Variants in RABGEF1 observed in about 807,000 individuals in gnomAD.
RABGEF1 encodes RAB guanine nucleotide exchange factor 1, also known as rab5 GDP/GTP exchange factor.
RABGEF1 carries 26 observed loss-of-function variants against 57.3 expected under a neutral mutation model. The ratio of observed to expected loss-of-function variants is 0.45; its 90% CI spans 0.33 to 0.63. The LOEUF (loss-of-function observed/expected upper bound fraction) is 0.63, where lower values mean the gene tolerates loss of function less well. Among genes scored for constraint, RABGEF1 ranks in the 20% least tolerant of loss-of-function variants. The pLI, the probability that RABGEF1 is intolerant of heterozygous loss-of-function variation, is 0.02. For synonymous variants in RABGEF1, 185 were observed against 210.7 expected, an observed-to-expected ratio of 0.88 and a Z score of 1.06; for missense variants, 464 against 607.6, an observed-to-expected ratio of 0.76 and a Z score of 2.48.
At chr7:66,765,038 T>G (rs1335319489) in intron 1 of RABGEF1, among the ~76,000 whole-genome samples, 1 of 151,928 alleles carries the variant, frequency 6.6e-6, no homozygotes, top group Non-Finnish European at 1.5e-5. Flanking sequence ...TCAACTTAAT[T>G]ATATCTGCAA....
intron 5 of RABGEF1, chr7:66,796,777 G>C: frequency 3.0e-6 from 1 of 334,098 alleles, no homozygotes. Context: ...TTTTATTAGA[G>C]AGGAGATTTC....
intron 2 of RABGEF1, among the ~76,000 whole-genome samples, chr7:66,721,882 G>T (rs1405469785): frequency 6.6e-6 from 1 of 152,174 alleles, no homozygotes; most frequent in Non-Finnish European, 1.5e-5. Flanking sequence ...CAAGTGGGGT[G>T]GCTTATGCCT....
At chr7:66,661,402 C>G in the RABGEF1 span, among the ~76,000 whole-genome samples, 3 of 150,378 alleles carry the variant, frequency 2.0e-5, no homozygotes, top group Admixed American at 1.3e-4. Flanking sequence ...ATTGAATAAC[C>G]AAATGAAATG....
chr7:66,661,298 C>CAATA, the RABGEF1 span, among the ~76,000 whole-genome samples: 1 of 78,044 alleles, frequency 1.3e-5, no homozygotes, highest in African/African-American at 5.5e-5. Flanking sequence ...GACTCCATCT[C>CAATA]AAAAAAAAAA....
intron 1 of RABGEF1, among the ~76,000 whole-genome samples, chr7:66,763,667 G>A (rs1805001682): frequency 6.6e-6 from 1 of 152,130 alleles, no homozygotes; most frequent in Non-Finnish European, 1.5e-5. Context: ...TTAGTGCTCA[G>A]TGACCACTAC....
intron 1 of RABGEF1, among the ~76,000 whole-genome samples, chr7:66,685,515 A>G (rs572703427): frequency 6.6e-6 from 1 of 152,294 alleles, no homozygotes; most frequent in Admixed American, 6.5e-5. Flanking sequence ...AGATTCTTGA[A>G]GTGAATGTAT....
rs1788166665 is a variant in RABGEF1 at position 66,805,176 on chromosome 7, A to G, written c.857A>G (p.Asp286Gly). The G allele has an allele frequency of 6.2e-7, 1 of 1,611,334 alleles. No homozygotes were observed. Among genetic ancestry groups the G allele is most frequent in the Admixed American group, 1.7e-5 (1 of 59,994 alleles). The change falls in exon 8 of 9, where the codon GAC (aspartate) becomes GGC (glycine). Residue 286 changes from aspartate (D) to glycine (G), a missense_variant. Physicochemically the swap from Asp to Gly is moderately conservative, Grantham distance 94. Transcript: ENST00000284957. ...IEMDSKRVPR[D>G]KLACITKCSK... ...ATGGATTCCAAGCGTGTGCCTCGAG[A>G]CAAGCTGGCCTGCATCACCAAGTGC...
At chr7:66,728,809 T>TTCACCTCCA in intron 2 of RABGEF1, among the ~76,000 whole-genome samples, 1 of 46,956 alleles carries the variant, frequency 2.1e-5, no homozygotes, top group Middle Eastern at 8.1e-3. Context: ...CACCTCCACC[T>TTCACCTCCA]TCACCTCCAT....
intron 4 of RABGEF1, among the ~76,000 whole-genome samples, chr7:66,788,596 T>G (rs1811802140): frequency 6.6e-6 from 1 of 152,238 alleles, no homozygotes; most frequent in African/African-American, 2.4e-5. Context: ...ATAGTCATTC[T>G]GATAAGCTCT....
At position 66,756,118 on chromosome 7, in the gene RABGEF1, A is replaced by G; in HGVS notation, c.-18+15326A>G. On this transcript the variant is annotated intron_variant, in intron 1 of 8. Coordinates refer to ENST00000284957, the MANE Select transcript of RABGEF1 (RefSeq NM_014504.3). ...TATATAAGAAGAATATCTATAAATCAAAAGAAAATAGTAATGACATAGAAA... is the reference window on the plus strand; with the variant it reads ...TATATAAGAAGAATATCTATAAATCGAAAGAAAATAGTAATGACATAGAAA... 5 of 1,246,446 alleles carry G rather than the reference A, an allele frequency of 4.0e-6. No individual in the cohort carries two copies. In the South Asian group the frequency reaches 5.0e-5, roughly 12 times the overall value. The allele number at this position is 1,246,446 out of a possible 1,614,324, so 77.2% of individuals were successfully genotyped here. A position where few individuals can be genotyped will look rare whatever the true frequency, so the allele number is the denominator to read the frequency against.
At chr7:66,677,009 T>C in the RABGEF1 span, among the ~76,000 whole-genome samples, 1 of 152,240 alleles carries the variant, frequency 6.6e-6, no homozygotes, top group African/African-American at 2.4e-5. Flanking sequence ...TCCAAAGTCA[T>C]GAAGCTTTAC....
At chr7:66,716,019 G>A (rs144657470) in intron 2 of RABGEF1, among the ~76,000 whole-genome samples, 135 of 152,254 alleles carry the variant, frequency 8.9e-4, no homozygotes, top group African/African-American at 2.9e-3. Flanking sequence ...TTTTCTATCT[G>A]TTCTGTCCAT....
Position 66,735,445 on chromosome 7 carries a change from C to A in RABGEF1, c.-814-4551C>A, listed in dbSNP as rs530529691. 3.4e-4 allele frequency among the ~76,000 whole-genome samples: 52 copies of A among 152,304 alleles called. 2 individuals carry two copies. The South Asian group carries it at 0.01, about 30-fold the overall frequency. ...CCTTTGCCTCTTAATAAATGTGTGA[C>A]CTTGGGTGAGTTACCTCACAGTTCC... On this transcript the variant is annotated intron_variant and NMD_transcript_variant, in intron 2 of 9. Coordinates refer to the RABGEF1 transcript ENST00000607882.
At chr7:66,797,307 A>C (rs1786205682) in intron 5 of RABGEF1, 67 bp from the exon 6 acceptor site, 1 of 818,528 alleles carries the variant, frequency 1.2e-6, no homozygotes, top group South Asian at 2.5e-5. Context: ...CTTTGTTTGC[A>C]AAAAAAAAAA....
rs116291893 is a variant in RABGEF1 at position 66,802,606 on chromosome 7, C to G, written c.821-2534C>G. ...CTCCTCACATGTCTCCTAGTTGAGACTTTGAAGCAGTGCAAATCATGGAAT... is the reference window on the plus strand; with the variant it reads ...CTCCTCACATGTCTCCTAGTTGAGAGTTTGAAGCAGTGCAAATCATGGAAT... On this transcript the variant is annotated intron_variant, in intron 7 of 8. Coordinates refer to ENST00000284957, the MANE Select transcript of RABGEF1 (RefSeq NM_014504.3). 6.8e-3 allele frequency among the ~76,000 whole-genome samples: 1,037 copies of G among 152,276 alleles called. 13 individuals are homozygous for G. The highest frequency in any genetic ancestry group is 0.023 in the African/African-American group (972 of 41,542).
rs116732330 is a variant in RABGEF1, at chr7:66,780,933, A to G, written c.347-2742A>G. The stretch of plus-strand genomic sequence containing the variant: ...TTAACATATTTGTATTTTTATATTT[A>G]AAGTTAATTTCTTACAGACAGCATG... On this transcript the variant is annotated intron_variant, in intron 3 of 8. Transcript: ENST00000284957. Among the ~76,000 whole-genome samples, 731 of 152,294 alleles carry G rather than the reference A, an allele frequency of 4.8e-3. 3 individuals carry two copies. The highest frequency in any genetic ancestry group is 0.017 in the African/African-American group (703 of 41,556).
chr7:66,709,156 C>CGGCATGTA (rs1794487854), intron 1 of RABGEF1, among the ~76,000 whole-genome samples: 1 of 151,774 alleles, frequency 6.6e-6, no homozygotes, highest in Admixed American at 6.6e-5. Flanking sequence ...TTACAGGCAC[C>CGGCATGTA]CACCACCATG....
chr7:66,728,338 C>T (rs2117606408), intron 2 of RABGEF1, among the ~76,000 whole-genome samples: 1 of 152,252 alleles, frequency 6.6e-6, no homozygotes, highest in South Asian at 2.1e-4. Flanking sequence ...TTCAGGGACC[C>T]TGACTGGTTG....
In RABGEF1 at chr7:66,774,614, G is replaced by C. The variant is rs189388739; in HGVS notation, c.180-613G>C. Reference sequence around the variant, plus strand: ...CTTAGAATCCTATTCAGCCTTATTAGTCAGGTGTGGTGGTGTGCGCCTGTA... The same window carrying C: ...CTTAGAATCCTATTCAGCCTTATTACTCAGGTGTGGTGGTGTGCGCCTGTA... On this transcript the variant is annotated intron_variant, in intron 2 of 8. Coordinates refer to ENST00000284957, the MANE Select transcript of RABGEF1 (RefSeq NM_014504.3). Among the ~76,000 whole-genome samples, 20 of 152,230 alleles carry C rather than the reference G, an allele frequency of 1.3e-4. No homozygotes were observed. The East Asian group carries it at 3.5e-3, about 26-fold the overall frequency.
Sources: allele counts gnomAD v4.1 joint callset (sites outside exome capture counted in the v4.1 genomes callset), GRCh38; gene constraint gnomAD v4.1.1; transcripts MANE v1.5; gene names NCBI Gene and HGNC (gene_info 2026-07-23, HGNC 2026-07-21).